The following TTC28 variants were observed in gnomAD, a reference collection of about 807,000 sequenced individuals.
TTC28 encodes the protein tetratricopeptide repeat domain 28.
TTC28 carries 61 observed loss-of-function variants against 198.0 expected under a neutral mutation model. That is an observed-to-expected ratio of 0.31 (90% CI 0.25 to 0.38). TTC28 has a LOEUF of 0.38. Among genes scored for constraint, TTC28 ranks in the 10% least tolerant of loss-of-function variants. TTC28 has a pLI of 1.00. For synonymous variants in TTC28, 1,171 were observed against 1,297.8 expected, an observed-to-expected ratio of 0.90 and a Z score of 2.10; for missense variants, 2,678 against 3,164.0, an observed-to-expected ratio of 0.85 and a Z score of 3.69.
intron 1 of TTC28, among the ~76,000 whole-genome samples, chr22:28,648,383 C>T (rs190865857): frequency 6.6e-6 from 1 of 152,294 alleles, no homozygotes; most frequent in East Asian, 1.9e-4. Context: ...AATGCTTATA[C>T]ACTGCTGGTG....
intron 12 of TTC28, among the ~76,000 whole-genome samples, chr22:28,049,512 A>G (rs1306176937): frequency 6.6e-6 from 1 of 152,294 alleles, no homozygotes; most frequent in East Asian, 1.9e-4. Context: ...GTTTGGGGTC[A>G]GGTTTCTGGA....
chr22:28,003,562 A>G (rs1475166031), intron 14 of TTC28, among the ~76,000 whole-genome samples: 3 of 152,122 alleles, frequency 2.0e-5, no homozygotes, highest in Non-Finnish European at 4.4e-5. Flanking sequence ...TTTCTGTCAG[A>G]TATCATCCCA....
At chr22:28,106,163 C>G (rs1214517143) in intron 7 of TTC28, among the ~76,000 whole-genome samples, 1 of 152,226 alleles carries the variant, frequency 6.6e-6, no homozygotes, top group African/African-American at 2.4e-5. Context: ...AATCACTTCA[C>G]AGTGGCTATA....
intron 2 of TTC28, among the ~76,000 whole-genome samples, chr22:28,440,955 T>C (rs1019452539): frequency 1.1e-4 from 17 of 152,356 alleles, no homozygotes; most frequent in Middle Eastern, 3.4e-3. Context: ...GCTTATTTTT[T>C]AATCTTTTAT....
intron 1 of TTC28, among the ~76,000 whole-genome samples, chr22:28,632,459 C>G (rs1435972818): frequency 6.6e-6 from 1 of 151,430 alleles, no homozygotes; most frequent in African/African-American, 2.4e-5. Context: ...TGGAAGTGGC[C>G]AACCAATAAT....
At position 28,544,657 on chromosome 22, in the gene TTC28, A is replaced by AG. The variant is rs554233800; in HGVS notation, c.381+84894_381+84895insC. ...ACGGATCACAAAGACCTTGCTGATA[A>AG]AACAGGATGTGATAAAGAAGCCAGC... On this transcript the variant is annotated intron_variant, in intron 2 of 22. Transcript: ENST00000397906. Among the ~76,000 whole-genome samples the AG allele has an allele frequency of 2.0e-4, 30 of 152,300 alleles. No individual in the cohort carries two copies. In the East Asian group the frequency reaches 4.0e-3, roughly 21 times the overall value.
intron 12 of TTC28, among the ~76,000 whole-genome samples, chr22:28,030,827 T>C (rs1270483638): frequency 6.6e-6 from 1 of 152,196 alleles, no homozygotes; most frequent in Non-Finnish European, 1.5e-5. Context: ...TACATTGTGT[T>C]GGGTACTGTC....
At chr22:28,569,387 T>C (rs541466813) in intron 2 of TTC28, among the ~76,000 whole-genome samples, 1 of 151,582 alleles carries the variant, frequency 6.6e-6, no homozygotes, top group Non-Finnish European at 1.5e-5. Context: ...GGTTAGAGAA[T>C]CCAGAAATAA....
intron 2 of TTC28, among the ~76,000 whole-genome samples, chr22:28,317,551 A>C (rs756642465): frequency 6.6e-6 from 1 of 152,124 alleles, no homozygotes; most frequent in African/African-American, 2.4e-5. Flanking sequence ...GAGTGTTCTG[A>C]GAACTGGAGA....
intron 2 of TTC28, among the ~76,000 whole-genome samples, chr22:28,546,263 T>C (rs2049538557): frequency 6.6e-6 from 1 of 152,062 alleles, no homozygotes; most frequent in Non-Finnish European, 1.5e-5. Context: ...TGGCCCAACA[T>C]GGTGAGACCC....
intron 6 of TTC28, among the ~76,000 whole-genome samples, chr22:28,142,459 T>TAA (rs1943363368): frequency 6.6e-6 from 1 of 152,196 alleles, no homozygotes; most frequent in African/African-American, 2.4e-5. Context: ...TCATTCTCAG[T>TAA]AACAGCTTGA....
At chr22:28,078,844 G>A (rs564949923) in intron 12 of TTC28, among the ~76,000 whole-genome samples, 3 of 152,262 alleles carry the variant, frequency 2.0e-5, no homozygotes, top group African/African-American at 7.2e-5. Context: ...GAGAAGATAG[G>A]AATTTGAAGG....
At chr22:28,589,556 A>G (rs1230530143) in intron 2 of TTC28, among the ~76,000 whole-genome samples, 1 of 152,100 alleles carries the variant, frequency 6.6e-6, no homozygotes, top group Non-Finnish European at 1.5e-5. Flanking sequence ...CACATTGTGG[A>G]TGGGAGCTCT....
At chr22:28,213,660 C>T (rs1927125529) in intron 5 of TTC28, among the ~76,000 whole-genome samples, 1 of 144,904 alleles carries the variant, frequency 6.9e-6, no homozygotes, top group African/African-American at 2.6e-5. Flanking sequence ...ACATTCCATG[C>T]TCCGGGATAG....
At chr22:28,042,676 A>G (rs1939696762) in intron 12 of TTC28, among the ~76,000 whole-genome samples, 1 of 152,112 alleles carries the variant, frequency 6.6e-6, no homozygotes, top group South Asian at 2.1e-4. Context: ...TTGTATACCT[A>G]TGTAACAAAC....
At chr22:28,352,268 T>C (rs1215908370) in intron 2 of TTC28, among the ~76,000 whole-genome samples, 1 of 150,354 alleles carries the variant, frequency 6.7e-6, no homozygotes, top group Non-Finnish European at 1.5e-5. Context: ...AAAAAGAACC[T>C]GATTAATCGA....
At chr22:28,463,445 T>G (rs558505842) in intron 2 of TTC28, among the ~76,000 whole-genome samples, 6 of 152,302 alleles carry the variant, frequency 3.9e-5, no homozygotes, top group African/African-American at 1.4e-4. Context: ...ATCATGCTAC[T>G]ATAATGGCAC....
intron 2 of TTC28, among the ~76,000 whole-genome samples, chr22:28,333,081 C>CAA (rs374301620): frequency 1.3e-5 from 2 of 152,150 alleles, no homozygotes; most frequent in African/African-American, 4.8e-5. Flanking sequence ...AGAGGTACTT[C>CAA]AAATATTTAA....
intron 12 of TTC28, among the ~76,000 whole-genome samples, chr22:28,052,687 A>G (rs563062062): frequency 8.5e-5 from 13 of 152,350 alleles, no homozygotes; most frequent in African/African-American, 3.1e-4. Flanking sequence ...GGGGCTTCTG[A>G]AATAATGTCT....
Sources: gnomAD v4.1 joint callset for allele counts (sites outside exome capture counted in the v4.1 genomes callset) on GRCh38, gnomAD v4.1.1 for gene constraint, MANE v1.5 for transcripts, NCBI Gene and HGNC (gene_info 2026-07-23, HGNC 2026-07-21) for gene names.